The following DGLUCY variants were observed in gnomAD, a reference collection of about 807,000 sequenced individuals.
The protein encoded by DGLUCY is D-glutamate cyclase.
In DGLUCY, 58 loss-of-function variants were observed where a neutral mutation model predicts 58.5. The observed-to-expected ratio is 0.99, with a 90% CI of 0.80 to 1.23. DGLUCY has a LOEUF of 1.23. Ranked by LOEUF, DGLUCY falls within the 50% of genes most tolerant of loss-of-function variation. DGLUCY has a pLI of 0.00. For missense variants in DGLUCY, 779 were observed against 784.7 expected, an observed-to-expected ratio of 0.99 and a Z score of 0.09; for synonymous variants, 325 against 314.1, an observed-to-expected ratio of 1.03 and a Z score of -0.37.
chr14:91,194,955 G>A (rs919872209), intron 9 of DGLUCY, among the ~76,000 whole-genome samples: 2 of 152,162 alleles, frequency 1.3e-5, no homozygotes, highest in Non-Finnish European at 2.9e-5. Context: ...GCAGCATGGC[G>A]GAGTAGCTGA....
At chr14:91,175,371 A>G (rs150962212) in intron 6 of DGLUCY, among the ~76,000 whole-genome samples, 1 of 152,236 alleles carries the variant, frequency 6.6e-6, no homozygotes, top group Non-Finnish European at 1.5e-5. Flanking sequence ...TCAACTGCAT[A>G]ACCGACAACA....
At chr14:91,207,322 A>G (rs1226741454) in intron 12 of DGLUCY, among the ~76,000 whole-genome samples, 1 of 152,132 alleles carries the variant, frequency 6.6e-6, no homozygotes, top group Non-Finnish European at 1.5e-5. Context: ...AAAAAAAAGC[A>G]AAGAGAAAAA....
intron 1 of DGLUCY, among the ~76,000 whole-genome samples, chr14:91,153,293 G>T (rs371730419): frequency 6.6e-6 from 1 of 151,962 alleles, no homozygotes; most frequent in Admixed American, 6.6e-5. Flanking sequence ...AGCGAGTCTC[G>T]TGCCTCAGCC....
At chr14:91,159,428 C>G (rs537568394) in intron 2 of DGLUCY, among the ~76,000 whole-genome samples, 2 of 152,264 alleles carry the variant, frequency 1.3e-5, no homozygotes, top group South Asian at 2.1e-4. Flanking sequence ...GCCTGGGAGA[C>G]AGAGTGGCGA....
chr14:91,084,828 C>T (rs4496056), intron 1 of DGLUCY, among the ~76,000 whole-genome samples: 17,093 of 152,088 alleles, frequency 0.11, 2,047 homozygotes, highest in African/African-American at 0.3. Flanking sequence ...CCTGCACTTC[C>T]GTTTTGTACT....
At chr14:91,139,053 C>G (rs928259181) in intron 1 of DGLUCY, among the ~76,000 whole-genome samples, 1 of 152,138 alleles carries the variant, frequency 6.6e-6, no homozygotes, top group African/African-American at 2.4e-5. Flanking sequence ...TATAGACAAA[C>G]AGATTTAGTA....
chr14:91,111,796 C>T (rs1890910011), upstream of DGLUCY, among the ~76,000 whole-genome samples: 1 of 152,204 alleles, frequency 6.6e-6, no homozygotes, highest in African/African-American at 2.4e-5. Flanking sequence ...ATACAGCCTT[C>T]AAGTTTCATC....
At chr14:91,160,528 G>C (rs985013757) in intron 3 of DGLUCY, 131 bp downstream of exon 3, 3 of 663,246 alleles carry the variant, frequency 4.5e-6, no homozygotes, top group Middle Eastern at 4.2e-4. Context: ...AGTAAGAGCA[G>C]AATGATATTA....
At chr14:91,074,112 T>A (rs1328032453) in intron 1 of DGLUCY, among the ~76,000 whole-genome samples, 7 of 60,706 alleles carry the variant, frequency 1.2e-4, no homozygotes, top group Middle Eastern at 8.5e-3. Flanking sequence ...AAAATATATA[T>A]ATATATACAC....
At chr14:91,076,370 C>T (rs2044022792) in intron 1 of DGLUCY, among the ~76,000 whole-genome samples, 1 of 152,170 alleles carries the variant, frequency 6.6e-6, no homozygotes, top group African/African-American at 2.4e-5. Flanking sequence ...CTCTAGGCTA[C>T]TTATAATACC....
rs545191834 is a variant in DGLUCY, at chr14:91,124,466, G to C, written c.-82+10183G>C. 2.0e-5 allele frequency among the ~76,000 whole-genome samples: 3 copies of C among 152,330 alleles called. No individual in the cohort carries two copies. The South Asian group carries it at 6.2e-4, about 32-fold the overall frequency. ...AGGTCCACTGTGGGCATAGCTGCTT[G>C]TTAATTCATGGCAGATTAGGCTTTC... On this transcript the variant is annotated intron_variant, in intron 1 of 13. Coordinates refer to ENST00000256324, the MANE Select transcript of DGLUCY (RefSeq NM_001102368.3).
At chr14:91,207,161 G>GGAAAAAAA (rs1407060799) in intron 12 of DGLUCY, among the ~76,000 whole-genome samples, 54 of 85,334 alleles carry the variant, frequency 6.3e-4, no homozygotes, top group African/African-American at 2.4e-3. Flanking sequence ...ACTGTCTCAG[G>GGAAAAAAA]AAAAAAAAAA....
At chr14:91,189,239 G>C (rs1233009713) in intron 9 of DGLUCY, 69 bp downstream of exon 9, 2 of 1,580,142 alleles carry the variant, frequency 1.3e-6, no homozygotes, top group Non-Finnish European at 1.7e-6. Context: ...GAGGGAATCA[G>C]CATCTGCAGT....
chr14:91,141,856 T>C (rs1330946272), intron 1 of DGLUCY, among the ~76,000 whole-genome samples: 1 of 147,990 alleles, frequency 6.8e-6, no homozygotes, highest in Non-Finnish European at 1.5e-5. Context: ...CGGCCTTTTT[T>C]TTTTTTTCAG....
At chr14:91,084,061 T>C (rs1334709543) in intron 1 of DGLUCY, among the ~76,000 whole-genome samples, 13 of 152,170 alleles carry the variant, frequency 8.5e-5, no homozygotes, top group Admixed American at 7.9e-4. Flanking sequence ...GTGCTTAGCA[T>C]AGTTTCCGGC....
chr14:91,194,029 T>G (rs1303565306), intron 9 of DGLUCY, among the ~76,000 whole-genome samples: 2 of 152,162 alleles, frequency 1.3e-5, no homozygotes. Flanking sequence ...TGGGATACAT[T>G]ATGTTCCCTG....
chr14:91,119,581 G>C (rs537278560), intron 1 of DGLUCY, among the ~76,000 whole-genome samples: 55 of 152,198 alleles, frequency 3.6e-4, no homozygotes, highest in African/African-American at 1.2e-3. Flanking sequence ...AATATCCTCT[G>C]GGTCTCTGTG....
At chr14:91,071,456 G>T (rs1198239681) in intron 1 of DGLUCY, among the ~76,000 whole-genome samples, 2 of 151,446 alleles carry the variant, frequency 1.3e-5, no homozygotes, top group South Asian at 2.1e-4. Flanking sequence ...TCAACCAAGA[G>T]ATTAATCAAA....
intron 5 of DGLUCY, among the ~76,000 whole-genome samples, chr14:91,171,340 C>T (rs572633478): frequency 3.3e-5 from 5 of 152,318 alleles, no homozygotes; most frequent in Admixed American, 1.3e-4. Context: ...CTGTTTGTTG[C>T]CTACAAAGGT....
Sources: allele counts gnomAD v4.1 joint callset (sites outside exome capture counted in the v4.1 genomes callset), GRCh38; gene constraint gnomAD v4.1.1; transcripts MANE v1.5; gene names NCBI Gene and HGNC (gene_info 2026-07-23, HGNC 2026-07-21).